The following FBXO21 variants were observed in gnomAD, a reference collection of about 807,000 sequenced individuals.
FBXO21 encodes F-box protein 21.
Under a neutral mutation model 76.6 loss-of-function variants are expected in FBXO21, and 32 were observed. That is an observed-to-expected ratio of 0.42 (90% CI 0.32 to 0.56). The LOEUF (loss-of-function observed/expected upper bound fraction) is 0.56, where lower values mean the gene tolerates loss of function less well. FBXO21 is among the 20% of genes least tolerant of loss of function. The pLI is 0.16. For synonymous variants in FBXO21, 328 were observed against 311.5 expected (o/e 1.05, Z -0.56); for missense variants, 586 against 797.3 (o/e 0.73, Z 3.19).
At chr12:117,174,470 G>T in intron 5 of FBXO21, 129 bp from the exon 6 acceptor site, 2 of 1,212,356 alleles carry the variant, frequency 1.6e-6, no homozygotes, top group South Asian at 1.3e-5. Flanking sequence ...AATCTAGGAA[G>T]CAGAAGGCAG....
intron 6 of FBXO21, 53 bp from the exon 7 acceptor site, chr12:117,172,660 T>A: frequency 6.4e-7 from 1 of 1,572,532 alleles, no homozygotes; most frequent in Non-Finnish European, 8.7e-7. Flanking sequence ...ACGTTCTCAT[T>A]CTTTCAATAA....
intron 11 of FBXO21, among the ~76,000 whole-genome samples, chr12:117,147,978 C>T (rs943788449): frequency 2.0e-5 from 3 of 152,208 alleles, no homozygotes; most frequent in Non-Finnish European, 2.9e-5. Context: ...CTCACCGACA[C>T]GAACAGCGTG....
chr12:117,167,834 T>C (rs1378503054), intron 7 of FBXO21, among the ~76,000 whole-genome samples: 3 of 152,140 alleles, frequency 2.0e-5, no homozygotes, highest in African/African-American at 7.2e-5. Flanking sequence ...AGAGACCTGC[T>C]GAGCCCATCA....
At chr12:117,159,978 A>G (rs1955959603) in intron 9 of FBXO21, among the ~76,000 whole-genome samples, 1 of 152,216 alleles carries the variant, frequency 6.6e-6, no homozygotes, top group South Asian at 2.1e-4. Context: ...CCCAGGCACC[A>G]TGCCGTCCCC....
At chr12:117,157,104 AC>A (rs1955925143) in intron 10 of FBXO21, among the ~76,000 whole-genome samples, 1 of 151,822 alleles carries the variant, frequency 6.6e-6, no homozygotes, top group Non-Finnish European at 1.5e-5. Flanking sequence ...AGTCGCTTGA[AC>A]TGGGAGGCAG....
chr12:117,162,429 TC>T (rs1343649939), intron 9 of FBXO21, among the ~76,000 whole-genome samples: 1 of 152,220 alleles, frequency 6.6e-6, no homozygotes, highest in African/African-American at 2.4e-5. Flanking sequence ...ATTTAACTTC[TC>T]CCTGCCTCAG....
rs1956154146 is a variant in FBXO21 at position 117,174,525 on chromosome 12, C to CACGT, written c.739+122_739+125dup. 3.2e-6 allele frequency: 4 copies of CACGT among 1,246,124 alleles called. No individual in the cohort carries two copies. In the Admixed American group the frequency reaches 6.5e-5, roughly 20 times the overall value. 77.2% of individuals were successfully genotyped at this position (1,246,124 alleles called of 1,614,324 possible). Reference sequence around the variant, plus strand: ...AGGTTCAACACTTCAACCAGGTAAACACGTGGTCACGTCATTTTATCACTT... The same window carrying CACGT: ...AGGTTCAACACTTCAACCAGGTAAACACGTACGTGGTCACGTCATTTTATCACTT... On this transcript the variant is annotated intron_variant, in intron 5 of 11. Transcript: ENST00000622495.
At chr12:117,187,859 A>C (rs1056385102) in intron 2 of FBXO21, among the ~76,000 whole-genome samples, 5 of 152,244 alleles carry the variant, frequency 3.3e-5, no homozygotes, top group African/African-American at 1.2e-4. Context: ...GTGATTATGA[A>C]TGCTTTTAGC....
At chr12:117,152,125 A>G (rs1403148547) in intron 11 of FBXO21, among the ~76,000 whole-genome samples, 1 of 152,180 alleles carries the variant, frequency 6.6e-6, no homozygotes, top group Non-Finnish European at 1.5e-5. Flanking sequence ...GCTGGCAGAC[A>G]TCATACAGTT....
chr12:117,165,220 T>A (rs529242700), intron 9 of FBXO21, among the ~76,000 whole-genome samples: 1 of 152,170 alleles, frequency 6.6e-6, no homozygotes, highest in South Asian at 2.1e-4. Flanking sequence ...AGGGCCCCAG[T>A]GGTTGAGTAG....
intron 3 of FBXO21, among the ~76,000 whole-genome samples, chr12:117,182,988 G>A (rs1956250014): frequency 6.6e-6 from 1 of 152,176 alleles, no homozygotes; most frequent in Non-Finnish European, 1.5e-5. Flanking sequence ...AACTACTCGG[G>A]AGGCTGAGGC....
chr12:117,176,940 GTGTAA>G (rs1419508318), intron 4 of FBXO21, among the ~76,000 whole-genome samples: 3 of 147,892 alleles, frequency 2.0e-5, no homozygotes, highest in African/African-American at 7.6e-5. Context: ...GGGAATGTTT[GTGTAA>G]TATTGTAGGA....
chr12:117,176,103 T>C (rs1474269946), intron 4 of FBXO21, among the ~76,000 whole-genome samples: 4 of 152,212 alleles, frequency 2.6e-5, no homozygotes, highest in African/African-American at 9.6e-5. Flanking sequence ...ACATTTACAC[T>C]AAGCATTGTG....
intron 11 of FBXO21, among the ~76,000 whole-genome samples, chr12:117,147,985 C>T (rs11068364): frequency 0.19 from 28,587 of 152,192 alleles, 3,237 homozygotes; most frequent in East Asian, 0.43. Flanking sequence ...ACACGAACAG[C>T]GTGGCCTATT....
intron 11 of FBXO21, among the ~76,000 whole-genome samples, chr12:117,151,206 G>A (rs1385132927): frequency 1.3e-5 from 2 of 151,988 alleles, no homozygotes; most frequent in Non-Finnish European, 2.9e-5. Context: ...ACCTAGACTC[G>A]GAGCTTCCGA....
At position 117,150,871 on chromosome 12, in the gene FBXO21, CTG is replaced by C. The variant is rs372253197; in HGVS notation, c.1676-4596_1676-4595del. On this transcript the variant is annotated intron_variant, in intron 11 of 11. Coordinates refer to ENST00000622495, the MANE Select transcript of FBXO21 (RefSeq NM_015002.3). ...GCCAGCAGGTACAGCTGGCCATGGA[CTG>C]TGTGTGTGTGTGTGTGTGTGTGTGT... is the stretch of plus-strand genomic sequence containing the variant. Among the ~76,000 whole-genome samples the C allele has an allele frequency of 1.5e-3, 187 of 127,374 alleles. 1 individual carries two copies. The highest frequency in any genetic ancestry group is 3.8e-3 in the Middle Eastern group (1 of 262). The allele number at this position is 127,374 out of a possible 152,430, so 83.6% of individuals were successfully genotyped here.
chr12:117,179,310 C>T (rs904088441), intron 3 of FBXO21, among the ~76,000 whole-genome samples: 4 of 152,202 alleles, frequency 2.6e-5, no homozygotes, highest in Non-Finnish European at 4.4e-5. Context: ...CGGGGCCCCC[C>T]GCAACAATAA....
Position 117,174,781 on chromosome 12 carries a change from G to A in FBXO21, c.609C>T (p.Asp203=). 1 of 1,614,034 alleles carries A rather than the reference G, an allele frequency of 6.2e-7. No homozygotes were observed. The highest frequency in any genetic ancestry group is 8.5e-7 in the Non-Finnish European group (1 of 1,179,980). The change falls in exon 5 of 12, where the codon GAC becomes GAT. Residue 203 remains aspartate, a synonymous_variant. Coordinates refer to ENST00000622495, the MANE Select transcript of FBXO21 (RefSeq NM_015002.3). ...TGTCGGAGAGAGGATTGCAGTACTG[G>A]TCAATATATACAGCACCTGAAAATG... The part of the protein sequence containing the change: ...ESYLEGAVYI[D]QYCNPLSDIS...
In FBXO21 at chr12:117,174,254, T is replaced by C. The variant is rs893752026; in HGVS notation, c.827A>G (p.Lys276Arg). ...ATTATAGTAATCCATTCGATTCCCC[T>C]TGAACTTCAGTTGGTCGTAAAGGAC... ...NYVLYDQLKF[K>R]GNRMDYYNAL... The change falls in exon 6 of 12, where the codon AAG (lysine) becomes AGG (arginine). Residue 276 changes from lysine (K) to arginine (R), a missense_variant. Transcript: ENST00000622495. 12 of 1,613,576 alleles carry C rather than the reference T, an allele frequency of 7.4e-6. No homozygotes were observed. The highest frequency in any genetic ancestry group is 1.1e-5 in the South Asian group (1 of 91,060).
Sources: allele counts gnomAD v4.1 joint callset (sites outside exome capture counted in the v4.1 genomes callset), GRCh38; gene constraint gnomAD v4.1.1; transcripts MANE v1.5; gene names NCBI Gene and HGNC (gene_info 2026-07-23, HGNC 2026-07-21).